CTNNA2: variants seen among roughly 807,000 people sequenced by gnomAD.
The protein encoded by CTNNA2 is catenin alpha 2, also known as catenin alpha-2.
CTNNA2 carries 42 observed loss-of-function variants against 101.0 expected under a neutral mutation model. The ratio of observed to expected loss-of-function variants is 0.42; its 90% CI spans 0.32 to 0.54. The LOEUF is 0.54. Ranked by LOEUF, CTNNA2 falls within the 20% of genes least tolerant of loss-of-function variation. The probability of loss-of-function intolerance (pLI) is 0.14; values close to 1 mark genes in which losing one functional copy is unlikely to be tolerated. For synonymous variants in CTNNA2, 450 were observed against 456.4 expected, an observed-to-expected ratio of 0.99 and a Z score of 0.18; for missense variants, 871 against 1,223.1, an observed-to-expected ratio of 0.71 and a Z score of 4.29.
At chr2:80,625,787 G>A (rs974288729) in intron 18 of CTNNA2, among the ~76,000 whole-genome samples, 1 of 151,964 alleles carries the variant, frequency 6.6e-6, no homozygotes, top group Non-Finnish European at 1.5e-5. Flanking sequence ...TTATTTCTAT[G>A]TGAAAGCATC....
At position 80,302,144 on chromosome 2, in the gene CTNNA2, G is replaced by T; in HGVS notation, c.1057-91067G>T. The T allele has an allele frequency of 7.3e-7, 1 of 1,378,540 alleles. No individual in the cohort carries two copies. The highest frequency in any genetic ancestry group is 2.4e-5 in the East Asian group (1 of 41,776). The allele number at this position is 1,378,540 out of a possible 1,614,324, so 85.4% of individuals were successfully genotyped here. ...GAGATCCCCTTAAAGTTTCAGTCAA[G>T]GAGCATATCAGAGCACAGACAAGGA... On this transcript the variant is annotated intron_variant, in intron 7 of 18. Transcript: ENST00000402739. The surrounding 1 kb of genome is among the most constrained non-coding windows in gnomAD (Gnocchi z 6.4).
chr2:79,820,361 G>A (rs1677904708), intron 3 of CTNNA2, among the ~76,000 whole-genome samples: 1 of 152,188 alleles, frequency 6.6e-6, no homozygotes, highest in Admixed American at 6.6e-5. Context: ...TTCTCTAGTA[G>A]CACTCAAAGC....
chr2:79,345,879 A>G (rs77403577), intron 3 of CTNNA2, among the ~76,000 whole-genome samples: 1 of 88,942 alleles, frequency 1.1e-5, no homozygotes, highest in East Asian at 4.0e-4. Flanking sequence ...TTTTTTTTTT[A>G]ATACAGATGG....
At chr2:80,276,643 G>A (rs1201525999) in intron 7 of CTNNA2, among the ~76,000 whole-genome samples, 1 of 151,954 alleles carries the variant, frequency 6.6e-6, no homozygotes, top group Non-Finnish European at 1.5e-5. Flanking sequence ...ATGAGAGAAA[G>A]AGAGGAGGAG....
chr2:79,895,126 TCGTTAAC>T, intron 6 of CTNNA2, among the ~76,000 whole-genome samples: 1 of 152,304 alleles, frequency 6.6e-6, no homozygotes, highest in East Asian at 1.9e-4. Flanking sequence ...ATTTAAATGA[TCGTTAAC>T]AGATGTGCAT....
At position 79,498,603 on chromosome 2, in the gene CTNNA2, A is replaced by G. The variant is rs141556539; in HGVS notation, c.-134-6451A>G. 1.0e-3 allele frequency among the ~76,000 whole-genome samples: 153 copies of G among 152,112 alleles called. No individual in the cohort carries two copies. The Middle Eastern group carries it at 0.01, about 10-fold the overall frequency. The stretch of plus-strand genomic sequence containing the variant: ...GCTGCCTCGGAGCAATTAAAAAAAA[A>G]CCCTTAGGTACAAGGACACCATAAC... On this transcript the variant is annotated intron_variant, in intron 4 of 21. Coordinates refer to the CTNNA2 transcript ENST00000466387.
intron 7 of CTNNA2, among the ~76,000 whole-genome samples, chr2:80,200,060 C>T (rs1707105608): frequency 6.6e-6 from 1 of 152,190 alleles, no homozygotes; most frequent in Non-Finnish European, 1.5e-5. Flanking sequence ...ACTCGACAGC[C>T]AGTTCACTAT....
At chr2:79,599,082 C>T (rs1677385911) in intron 1 of CTNNA2, among the ~76,000 whole-genome samples, 1 of 152,122 alleles carries the variant, frequency 6.6e-6, no homozygotes, top group Non-Finnish European at 1.5e-5. Flanking sequence ...CTGTTGCCTT[C>T]TCTCTTTTGT....
intron 4 of CTNNA2, among the ~76,000 whole-genome samples, chr2:79,486,905 T>A (rs958813602): frequency 3.3e-5 from 5 of 152,232 alleles, no homozygotes; most frequent in Non-Finnish European, 7.3e-5. Context: ...ATTTTTAAAG[T>A]CTGTTTTGTA....
At chr2:79,988,292 C>A (rs1249802473) in intron 7 of CTNNA2, among the ~76,000 whole-genome samples, 1 of 152,182 alleles carries the variant, frequency 6.6e-6, no homozygotes, top group East Asian at 1.9e-4. Context: ...ACTATCGCCA[C>A]CATCAGCACT....
At chr2:80,376,574 G>T (rs147064625) in intron 7 of CTNNA2, among the ~76,000 whole-genome samples, 36 of 152,090 alleles carry the variant, frequency 2.4e-4, no homozygotes, top group Non-Finnish European at 3.2e-4. Context: ...TTACAATAAA[G>T]AATTGTACAT....
chr2:79,889,607 A>G (rs932590474), intron 6 of CTNNA2, among the ~76,000 whole-genome samples: 1 of 152,174 alleles, frequency 6.6e-6, no homozygotes, highest in African/African-American at 2.4e-5. Context: ...TGAGATAATA[A>G]TGTTGACTCC....
intron 7 of CTNNA2, among the ~76,000 whole-genome samples, chr2:80,266,064 T>C (rs1395706047): frequency 6.6e-6 from 1 of 152,206 alleles, no homozygotes; most frequent in Non-Finnish European, 1.5e-5. Flanking sequence ...ATTTCCCCAT[T>C]TGAGAAATTA....
intron 4 of CTNNA2, among the ~76,000 whole-genome samples, chr2:79,387,113 C>T (rs1275338079): frequency 6.6e-6 from 1 of 152,120 alleles, no homozygotes; most frequent in Non-Finnish European, 1.5e-5. Flanking sequence ...ATCAGGCTGA[C>T]CTTTCTGTCT....
chr2:80,086,882 C>T (rs563086130), intron 7 of CTNNA2, among the ~76,000 whole-genome samples: 18 of 152,116 alleles, frequency 1.2e-4, no homozygotes, highest in African/African-American at 4.3e-4. Flanking sequence ...GCAACATAAA[C>T]ATACCACTGG....
rs1680646053 is a variant in CTNNA2, at chr2:80,422,788, CTA to C, written c.1290+3189_1290+3190del. Among the ~76,000 whole-genome samples, 8 of 152,100 alleles carry C rather than the reference CTA, an allele frequency of 5.3e-5. 1 individual carries two copies. The South Asian group carries it at 1.7e-3, about 32-fold the overall frequency. On this transcript the variant is annotated intron_variant, in intron 9 of 18. Coordinates refer to ENST00000402739, the MANE Select transcript of CTNNA2 (RefSeq NM_001282597.3). ...ATGAATTGAAAATTTTTTCTTCCTT[CTA>C]TTTTTTGGAAGTGAATGTATAAGAT...
intron 1 of CTNNA2, among the ~76,000 whole-genome samples, chr2:79,580,357 G>T (rs1398222202): frequency 2.0e-5 from 3 of 152,158 alleles, no homozygotes; most frequent in African/African-American, 7.2e-5. Flanking sequence ...AAAGGGCTGT[G>T]CGCCAAAGAA....
chr2:79,517,390 T>C (rs1242725201), intron 1 of CTNNA2, among the ~76,000 whole-genome samples: 1 of 152,208 alleles, frequency 6.6e-6, no homozygotes, highest in African/African-American at 2.4e-5. Flanking sequence ...TTCTCATATA[T>C]TTCTGTTTTG....
intron 9 of CTNNA2, among the ~76,000 whole-genome samples, chr2:80,533,921 G>A (rs78085257): frequency 0.011 from 1,617 of 152,260 alleles, 15 homozygotes; most frequent in Middle Eastern, 0.061. Context: ...TGATGAGCCA[G>A]CATCAAGAAG....
Sources: gnomAD v4.1 joint callset for allele counts (sites outside exome capture counted in the v4.1 genomes callset) on GRCh38, gnomAD v4.1.1 for gene constraint, Gnocchi (gnomAD v3.1) non-coding constraint, MANE v1.5 for transcripts, NCBI Gene and HGNC (gene_info 2026-07-23, HGNC 2026-07-21) for gene names.